Variants in TMTC2 observed in about 807,000 individuals in gnomAD.
The protein encoded by TMTC2 is protein O-mannosyl-transferase TMTC2.
Under a neutral mutation model 82.4 loss-of-function variants are expected in TMTC2, and 43 were observed. The observed-to-expected ratio is 0.52, with a 90% CI of 0.41 to 0.67. The LOEUF (loss-of-function observed/expected upper bound fraction) is 0.67, where lower values mean the gene tolerates loss of function less well. Ranked by LOEUF, TMTC2 falls within the 30% of genes least tolerant of loss-of-function variation. TMTC2 has a pLI of 0.00. For synonymous variants in TMTC2, 408 were observed against 381.9 expected (o/e 1.07, Z -0.80); for missense variants, 919 against 1,012.4 (o/e 0.91, Z 1.25).
At chr12:82,897,963 GTA>G (rs3993367) in intron 3 of TMTC2, among the ~76,000 whole-genome samples, 86,906 of 150,674 alleles carry the variant, frequency 0.58, 27,149 homozygotes, top group African/African-American at 0.84. Flanking sequence ...GCTAATAGGT[GTA>G]TATATATATA....
chr12:82,895,691 TG>T, intron 2 of TMTC2, 126 bp from the exon 3 acceptor site: 1 of 792,208 alleles, frequency 1.3e-6, no homozygotes, highest in Non-Finnish European at 1.9e-6. Context: ...CATGAAGTCA[TG>T]TTTTGGAGAC....
At chr12:82,932,477 T>C (rs1252942769) in intron 4 of TMTC2, among the ~76,000 whole-genome samples, 3 of 152,198 alleles carry the variant, frequency 2.0e-5, no homozygotes, top group African/African-American at 7.2e-5. Flanking sequence ...CTAATTTGAA[T>C]TTGTATCTTT....
At chr12:82,955,581 CA>C (rs1279800082) in intron 4 of TMTC2, among the ~76,000 whole-genome samples, 2 of 151,916 alleles carry the variant, frequency 1.3e-5, no homozygotes, top group East Asian at 1.9e-4. Context: ...TGATGATGAT[CA>C]GGGGAAAAAA....
rs561601702 is a variant in TMTC2 at position 83,133,755 on chromosome 12, A to G, written c.*1366A>G. The stretch of plus-strand genomic sequence containing the variant: ...AACTTTGCCACTAAAAATTAACTTC[A>G]TAAAACACTAGTCCGTTATCAACTT... On this transcript the variant is annotated 3_prime_UTR_variant, in exon 12 of 12. Transcript: ENST00000321196. 18 of 152,346 alleles carry G rather than the reference A, an allele frequency of 1.2e-4. No individual in the cohort carries two copies. The highest frequency in any genetic ancestry group is 3.9e-4 in the Admixed American group (6 of 15,306). The allele number at this position is 152,346 out of a possible 1,614,324, so 9.4% of individuals were successfully genotyped here.
chr12:83,107,615 C>A (rs774764275), intron 11 of TMTC2, among the ~76,000 whole-genome samples: 11 of 152,086 alleles, frequency 7.2e-5, no homozygotes, highest in Non-Finnish European at 1.6e-4. Context: ...TTTAGAGGAC[C>A]GTTTCAACCC....
At chr12:82,849,374 G>A (rs1040133828) in intron 1 of TMTC2, among the ~76,000 whole-genome samples, 3 of 152,070 alleles carry the variant, frequency 2.0e-5, no homozygotes, top group Non-Finnish European at 4.4e-5. Context: ...AATGCAGTCA[G>A]AAAATAAAGC....
chr12:83,118,746 C>T (rs574248157), intron 11 of TMTC2, among the ~76,000 whole-genome samples: 2 of 151,932 alleles, frequency 1.3e-5, no homozygotes, highest in Non-Finnish European at 2.9e-5. Flanking sequence ...TGGTACCAAA[C>T]CTTTCAACGT....
At chr12:83,116,714 G>T (rs1592503772) in intron 11 of TMTC2, among the ~76,000 whole-genome samples, 1 of 152,068 alleles carries the variant, frequency 6.6e-6, no homozygotes, top group Non-Finnish European at 1.5e-5. Flanking sequence ...TCTTATGTTT[G>T]TTGGCCATTT....
intron 11 of TMTC2, among the ~76,000 whole-genome samples, chr12:83,076,736 A>G: frequency 6.6e-6 from 1 of 152,196 alleles, no homozygotes; most frequent in East Asian, 1.9e-4. Flanking sequence ...TGAAACATTA[A>G]ACTAAAGTTG....
At chr12:82,972,876 G>A (rs996136402) in intron 7 of TMTC2, among the ~76,000 whole-genome samples, 1 of 151,968 alleles carries the variant, frequency 6.6e-6, no homozygotes, top group Non-Finnish European at 1.5e-5. Context: ...TATTTTTGTT[G>A]GATTCTTCTG....
chr12:82,968,072 A>T (rs7308937), intron 7 of TMTC2, among the ~76,000 whole-genome samples: 111,992 of 152,032 alleles, frequency 0.74, 43,574 homozygotes, highest in East Asian at 0.96. Context: ...GTTTAGAGAT[A>T]GGCTGGAGTA....
At chr12:82,941,618 T>C (rs559353298) in intron 4 of TMTC2, among the ~76,000 whole-genome samples, 8 of 152,178 alleles carry the variant, frequency 5.3e-5, no homozygotes, top group Non-Finnish European at 8.8e-5. Context: ...TGAATGTTGA[T>C]TGATTCCACA....
intron 11 of TMTC2, among the ~76,000 whole-genome samples, chr12:83,116,356 G>C (rs996571279): frequency 6.6e-6 from 1 of 152,120 alleles, no homozygotes; most frequent in Non-Finnish European, 1.5e-5. Flanking sequence ...ATTTGGGTTG[G>C]TTCCATGTTT....
intron 1 of TMTC2, among the ~76,000 whole-genome samples, chr12:82,835,488 G>A (rs1035739173): frequency 3.9e-5 from 6 of 151,974 alleles, no homozygotes; most frequent in Admixed American, 1.3e-4. Context: ...TTAGGTCTTA[G>A]GATTTAATCC....
At chr12:82,708,069 C>T (rs924255790) in intron 1 of TMTC2, among the ~76,000 whole-genome samples, 30 of 152,166 alleles carry the variant, frequency 2.0e-4, no homozygotes, top group Admixed American at 1.4e-3. Context: ...AAACCAGCCA[C>T]GCCCATTCAT....
chr12:83,019,234 A>G (rs1358678939), intron 8 of TMTC2, among the ~76,000 whole-genome samples: 1 of 152,002 alleles, frequency 6.6e-6, no homozygotes, highest in Non-Finnish European at 1.5e-5. Flanking sequence ...AAAAACCCTC[A>G]TTGTGTCTCC....
rs1195188141 is a variant in TMTC2, at chr12:82,947,345, CT to C, written c.1598+16814del. The stretch of plus-strand genomic sequence containing the variant: ...GTGCAATTTTTTTTTCTTTTTTTTT[CT>C]TTTTTTTTTTTTTGAGACGGAGTCT... On this transcript the variant is annotated intron_variant, in intron 4 of 11. Coordinates refer to ENST00000321196, the MANE Select transcript of TMTC2 (RefSeq NM_152588.3). Among the ~76,000 whole-genome samples, 1,211 of 134,288 alleles carry C rather than the reference CT, an allele frequency of 9.0e-3. 11 individuals are homozygous for C. Among genetic ancestry groups the C allele is most frequent in the African/African-American group, 0.028 (1,032 of 36,616 alleles). 88.1% of individuals were successfully genotyped at this position (134,288 alleles called of 152,430 possible).
rs146754626 is a variant in TMTC2, at chr12:82,831,390, T to C, written c.84-25620T>C. 1.2e-3 allele frequency among the ~76,000 whole-genome samples: 176 copies of C among 152,298 alleles called. 1 individual carries two copies. In the East Asian group the frequency reaches 0.024, roughly 21 times the overall value. On this transcript the variant is annotated intron_variant, in intron 1 of 11. Coordinates refer to ENST00000321196, the MANE Select transcript of TMTC2 (RefSeq NM_152588.3). ...AGAATGAGAGCCCTTTTTTCTGTTA[T>C]TGGTTGGAAAGTATTTTGCAAAAGA...
chr12:82,782,153 T>C (rs1254034606), intron 1 of TMTC2, among the ~76,000 whole-genome samples: 1 of 152,122 alleles, frequency 6.6e-6, no homozygotes, highest in Non-Finnish European at 1.5e-5. Flanking sequence ...TGGATGCTTC[T>C]TAGGAAAACT....
Sources: gnomAD v4.1 joint callset for allele counts (sites outside exome capture counted in the v4.1 genomes callset) on GRCh38, gnomAD v4.1.1 for gene constraint, MANE v1.5 for transcripts, NCBI Gene and HGNC (gene_info 2026-07-23, HGNC 2026-07-21) for gene names.